C4orf51: variants seen among roughly 807,000 people sequenced by gnomAD.
C4orf51 encodes the protein chromosome 4 open reading frame 51.
Under a neutral mutation model 25.2 loss-of-function variants are expected in C4orf51, and 25 were observed. The ratio of observed to expected loss-of-function variants is 0.99; its 90% CI spans 0.72 to 1.39. The LOEUF is 1.39. C4orf51 is among the 40% of genes most tolerant of loss of function. C4orf51 has a pLI of 0.00. For missense variants in C4orf51, 252 were observed against 239.6 expected (o/e 1.05, Z -0.34); for synonymous variants, 100 against 84.5 (o/e 1.18, Z -1.01).
At chr4:145,769,265 G>C (rs1205528022) in intron 1 of C4orf51, among the ~76,000 whole-genome samples, 4 of 151,982 alleles carry the variant, frequency 2.6e-5, no homozygotes, top group African/African-American at 4.8e-5. Flanking sequence ...CTTGGTACAA[G>C]AAAGCTATGT....
At chr4:145,717,123 C>T (rs1347469897) in intron 2 of C4orf51, among the ~76,000 whole-genome samples, 1 of 152,020 alleles carries the variant, frequency 6.6e-6, no homozygotes, top group East Asian at 1.9e-4. Context: ...TTCTGATTAA[C>T]TTTGCTAATC....
chr4:145,767,468 A>T (rs1168452173), intron 1 of C4orf51, among the ~76,000 whole-genome samples: 1 of 152,132 alleles, frequency 6.6e-6, no homozygotes, highest in African/African-American at 2.4e-5. Flanking sequence ...ATGGCCAAAA[A>T]TTTTCCAAAT....
chr4:145,693,234 C>T lies in C4orf51; in HGVS notation c.234-3325C>T, dbSNP rs532885455. ...TTGAGATTAGGGATTGGTGATGACTCTTAACGAGCATGCTGCCTTCAAGCA... is the reference window on the plus strand; with the variant it reads ...TTGAGATTAGGGATTGGTGATGACTTTTAACGAGCATGCTGCCTTCAAGCA... On this transcript the variant is annotated intron_variant, in intron 1 of 5. Transcript: ENST00000438731. Among the ~76,000 whole-genome samples, 65 of 149,996 alleles carry T rather than the reference C, an allele frequency of 4.3e-4. No individual in the cohort carries two copies. The South Asian group carries it at 0.014, about 32-fold the overall frequency.
rs529028593 is a variant in C4orf51, at chr4:145,762,369, C to T, written n.167-8619C>T. Among the ~76,000 whole-genome samples, 1 of 152,166 alleles carries T rather than the reference C, an allele frequency of 6.6e-6. No homozygotes were observed. Among genetic ancestry groups the T allele is most frequent in the East Asian group, 1.9e-4 (1 of 5,182 alleles). On this transcript the variant is annotated intron_variant and non_coding_transcript_variant, in intron 1 of 1. Transcript: ENST00000510096. The surrounding 1 kb of genome is among the most constrained non-coding windows in gnomAD (Gnocchi z 4.9). The stretch of plus-strand genomic sequence containing the variant: ...AGGGAGACAACTGCTATCTGGAGCT[C>T]GAAGACATTATTAATACATGATTAT...
chr4:145,758,408 C>T (rs1436423911), downstream of C4orf51: 1 of 152,166 alleles, frequency 6.6e-6, no homozygotes, highest in Non-Finnish European at 1.5e-5. Context: ...ATTGTCAGGG[C>T]CACCCTTTCA....
At chr4:145,700,411 T>A (rs1457724944) in intron 2 of C4orf51, among the ~76,000 whole-genome samples, 6 of 151,974 alleles carry the variant, frequency 3.9e-5, no homozygotes, top group Non-Finnish European at 7.4e-5. Flanking sequence ...TCCTCCTTCT[T>A]CTCCCTTAGC....
intron 1 of C4orf51, among the ~76,000 whole-genome samples, chr4:145,769,472 C>G (rs1735916687): frequency 6.6e-6 from 1 of 152,188 alleles, no homozygotes; most frequent in Admixed American, 6.5e-5. Context: ...ACTACCATCT[C>G]TAAACATAGA....
chr4:145,746,856 C>T (rs1054638248), intron 1 of C4orf51, among the ~76,000 whole-genome samples: 4 of 151,670 alleles, frequency 2.6e-5, no homozygotes, highest in Non-Finnish European at 5.9e-5. Context: ...ACATGGAATA[C>T]CTTTCTTTTT....
intron 2 of C4orf51, among the ~76,000 whole-genome samples, chr4:145,704,986 C>G (rs952957142): frequency 6.6e-6 from 1 of 152,352 alleles, no homozygotes; most frequent in Non-Finnish European, 1.5e-5. Context: ...AGGGTTCATA[C>G]GTTAGCATGC....
chr4:145,789,306 A>G, the C4orf51 span, among the ~76,000 whole-genome samples: 30 of 152,348 alleles, frequency 2.0e-4, no homozygotes, highest in African/African-American at 6.7e-4. Context: ...TGATTCCAAC[A>G]GATAAAGACT....
rs1734461096 is a variant in C4orf51, at chr4:145,761,334, G to A, written n.167-9654G>A. 7.8e-7 allele frequency: 1 copy of A among 1,289,972 alleles called. No homozygotes were observed. The highest frequency in any genetic ancestry group is 1.5e-5 in the African/African-American group (1 of 66,000). The allele number at this position is 1,289,972 out of a possible 1,614,324, so 79.9% of individuals were successfully genotyped here. A position where few individuals can be genotyped will look rare whatever the true frequency, so the allele number is the denominator to read the frequency against. ...GATTGTCCTTGCGCTTGCAGCTGTA[G>A]CTGCACTGGTCACAGTGGAAGGGCC... On this transcript the variant is annotated intron_variant and non_coding_transcript_variant, in intron 1 of 1. Transcript: ENST00000510096. This position sits in a 1 kb window ranked among gnomAD's most constrained non-coding sequence, Gnocchi z 6.8.
chr4:145,760,734 T>C, intron 1 of C4orf51: 2 of 998,474 alleles, frequency 2.0e-6, no homozygotes, highest in Non-Finnish European at 2.4e-6. Flanking sequence ...TTTTTTTTTT[T>C]TTTGTCTTTT....
chr4:145,730,047 G>A, intron 5 of C4orf51, 82 bp downstream of exon 5: 2 of 1,161,806 alleles, frequency 1.7e-6, no homozygotes, highest in Non-Finnish European at 2.6e-6. Flanking sequence ...CTACATGGCA[G>A]CAGGGGTGGT....
At position 145,765,748 on chromosome 4, in the gene C4orf51, A is replaced by G. The variant is rs1392121620; in HGVS notation, n.167-5240A>G. 2 of 1,612,250 alleles carry G rather than the reference A, an allele frequency of 1.2e-6. No individual in the cohort carries two copies. Among genetic ancestry groups the G allele is most frequent in the Admixed American group, 1.7e-5 (1 of 59,810 alleles). ...GTCTTCCTGTCTTCCCCTGAAAAAT[A>G]AGCAAATAACCCAGTCTGTTAATGA... On this transcript the variant is annotated intron_variant and non_coding_transcript_variant, in intron 1 of 1. Transcript: ENST00000510096. This position sits in a 1 kb window ranked among gnomAD's most constrained non-coding sequence, Gnocchi z 4.7.
intron 2 of C4orf51, among the ~76,000 whole-genome samples, chr4:145,715,409 C>G (rs560028458): frequency 2.6e-5 from 4 of 152,214 alleles, no homozygotes; most frequent in Non-Finnish European, 4.4e-5. Context: ...GCTAGAGGAG[C>G]CAGGCACTCA....
chr4:145,764,859 C>CT (rs1560887131), intron 1 of C4orf51: 2 of 1,293,638 alleles, frequency 1.5e-6, no homozygotes, highest in Non-Finnish European at 2.2e-6. Flanking sequence ...GGGTTCCTGA[C>CT]TAACTCCTCT....
downstream of C4orf51, among the ~76,000 whole-genome samples, chr4:145,733,258 C>T (rs935860560): frequency 6.6e-6 from 1 of 152,150 alleles, no homozygotes; most frequent in African/African-American, 2.4e-5. Flanking sequence ...TCTTCTCCCC[C>T]ACGATCTTCC....
downstream of C4orf51, chr4:145,758,480 C>G (rs1000689809): frequency 3.3e-5 from 5 of 152,200 alleles, no homozygotes; most frequent in African/African-American, 1.2e-4. Context: ...TGTGGGACTA[C>G]TTTAGCCCTC....
intron 1 of C4orf51, among the ~76,000 whole-genome samples, chr4:145,691,350 G>A (rs1729549103): frequency 6.6e-6 from 1 of 152,216 alleles, no homozygotes; most frequent in Admixed American, 6.5e-5. Context: ...TGGTGGGAAT[G>A]TAAATTAGTT....
Sources: allele counts gnomAD v4.1 joint callset (sites outside exome capture counted in the v4.1 genomes callset), GRCh38; gene constraint gnomAD v4.1.1; non-coding constraint Gnocchi (gnomAD v3.1); transcripts MANE v1.5; gene names NCBI Gene and HGNC (gene_info 2026-07-23, HGNC 2026-07-21).